The following PTPRK variants were observed in gnomAD, a reference collection of about 807,000 sequenced individuals.
The protein encoded by PTPRK is protein tyrosine phosphatase receptor type K, also known as receptor-type tyrosine-protein phosphatase kappa.
PTPRK carries 75 observed loss-of-function variants against 178.0 expected under a neutral mutation model. That is an observed-to-expected ratio of 0.42 (90% CI 0.35 to 0.51). PTPRK has a LOEUF of 0.51. Among genes scored for constraint, PTPRK ranks in the 20% least tolerant of loss-of-function variants. PTPRK has a pLI of 0.02. For synonymous variants in PTPRK, 637 were observed against 620.6 expected, an observed-to-expected ratio of 1.03 and a Z score of -0.39; for missense variants, 1,441 against 1,797.8, an observed-to-expected ratio of 0.80 and a Z score of 3.59.
intron 2 of PTPRK, among the ~76,000 whole-genome samples, chr6:128,335,490 A>C (rs903290423): frequency 2.0e-5 from 3 of 151,940 alleles, no homozygotes; most frequent in Admixed American, 1.3e-4. Context: ...AATGAAGAAA[A>C]GAGCTCAAGT....
intron 2 of PTPRK, among the ~76,000 whole-genome samples, chr6:128,397,013 C>A (rs1840400846): frequency 6.6e-6 from 1 of 151,974 alleles, no homozygotes; most frequent in Non-Finnish European, 1.5e-5. Context: ...ACAACAACAA[C>A]AACAAAAGAA....
In PTPRK at chr6:127,973,662, A is replaced by C; in HGVS notation, c.4133+2T>G. 6.2e-7 allele frequency: 1 copy of C among 1,613,418 alleles called. No individual in the cohort carries two copies. Among genetic ancestry groups the C allele is most frequent in the Non-Finnish European group, 8.5e-7 (1 of 1,179,866 alleles). On this transcript the variant is annotated splice_donor_variant, in intron 28 of 29. Coordinates refer to ENST00000368226, the MANE Select transcript of PTPRK (RefSeq NM_002844.4). LOFTEE classifies it high-confidence loss of function. ...AATGACAGGCTGAGCTGCCCTACTC[A>C]CAGGCAGTGGATAATCGTCCGGCCT...
chr6:128,032,671 T>C (rs1204116414), intron 13 of PTPRK, among the ~76,000 whole-genome samples: 2 of 152,108 alleles, frequency 1.3e-5, no homozygotes, highest in African/African-American at 4.8e-5. Flanking sequence ...AAAGATGCAA[T>C]AATTCCAGCT....
At chr6:128,273,930 A>G (rs1423265141) in intron 3 of PTPRK, among the ~76,000 whole-genome samples, 1 of 152,114 alleles carries the variant, frequency 6.6e-6, no homozygotes, top group Non-Finnish European at 1.5e-5. Context: ...CCCCCTTTTC[A>G]CCAAATACAT....
chr6:128,508,834 CT>C (rs1292636499), intron 1 of PTPRK, among the ~76,000 whole-genome samples: 17 of 151,878 alleles, frequency 1.1e-4, no homozygotes, highest in Non-Finnish European at 2.2e-4. Flanking sequence ...GTAATCCCAG[CT>C]ACTTGGGATG....
At chr6:128,443,339 A>C (rs1293839005) in intron 1 of PTPRK, among the ~76,000 whole-genome samples, 1 of 152,054 alleles carries the variant, frequency 6.6e-6, no homozygotes, top group Non-Finnish European at 1.5e-5. Flanking sequence ...AGGGGTGAGG[A>C]AGTGAATTGA....
At chr6:127,977,765 C>T (rs1415161233) in intron 25 of PTPRK, among the ~76,000 whole-genome samples, 1 of 152,156 alleles carries the variant, frequency 6.6e-6, no homozygotes, top group Non-Finnish European at 1.5e-5. Context: ...GGGGAGATAG[C>T]TCCTTGTTAA....
chr6:128,236,756 T>C (rs772811815), intron 5 of PTPRK, among the ~76,000 whole-genome samples: 2 of 152,210 alleles, frequency 1.3e-5, no homozygotes, highest in Non-Finnish European at 2.9e-5. Flanking sequence ...CTCAGGCTTA[T>C]AAAAACATTC....
intron 1 of PTPRK, among the ~76,000 whole-genome samples, chr6:128,424,501 G>T (rs1554260175): frequency 6.6e-6 from 1 of 152,158 alleles, no homozygotes; most frequent in Non-Finnish European, 1.5e-5. Flanking sequence ...AGTTCAGAAG[G>T]ATTCCTTCTC....
At position 128,284,970 on chromosome 6, in the gene PTPRK, A is replaced by AG. The variant is rs202050890; in HGVS notation, c.495+37068dup. ...TACCTTAAGTCTCAAGTTATGGGCT[A>AG]GCATTGTGTTACACAAAAAGAATAT... On this transcript the variant is annotated intron_variant, in intron 3 of 29. Transcript: ENST00000368226. Among the ~76,000 whole-genome samples the AG allele has an allele frequency of 5.9e-3, 900 of 152,354 alleles. 11 individuals carry two copies. The highest frequency in any genetic ancestry group is 0.021 in the African/African-American group (860 of 41,574).
At chr6:128,365,200 T>C (rs998602692) in intron 2 of PTPRK, among the ~76,000 whole-genome samples, 1 of 152,082 alleles carries the variant, frequency 6.6e-6, no homozygotes, top group Non-Finnish European at 1.5e-5. Context: ...TAAACACTTG[T>C]AAACTTGTAA....
intron 6 of PTPRK, among the ~76,000 whole-genome samples, chr6:128,185,160 G>A (rs983227398): frequency 6.6e-5 from 10 of 152,110 alleles, no homozygotes; most frequent in Non-Finnish European, 1.3e-4. Flanking sequence ...AGTAAAGGAA[G>A]AAAGAATAAC....
intron 7 of PTPRK, among the ~76,000 whole-genome samples, chr6:128,106,407 T>G (rs116364899): frequency 0.013 from 2,054 of 152,238 alleles, 48 homozygotes; most frequent in African/African-American, 0.046. Flanking sequence ...GAGTTTTGAT[T>G]TTCAAAATGT....
chr6:128,295,731 T>C (rs1824230861), intron 3 of PTPRK, among the ~76,000 whole-genome samples: 1 of 152,104 alleles, frequency 6.6e-6, no homozygotes, highest in Non-Finnish European at 1.5e-5. Context: ...CACATCTACA[T>C]ATTAAGGTGA....
chr6:128,500,677 T>G (rs1855426262), intron 1 of PTPRK: 1 of 152,204 alleles, frequency 6.6e-6, no homozygotes, highest in Non-Finnish European at 1.5e-5. Context: ...TGCTACACCT[T>G]TATTAATTCT....
chr6:128,078,351 T>C (rs1425380036), intron 11 of PTPRK, among the ~76,000 whole-genome samples: 1 of 151,970 alleles, frequency 6.6e-6, no homozygotes, highest in Non-Finnish European at 1.5e-5. Context: ...CTGACAGAAA[T>C]TCTCCAATGA....
chr6:128,248,594 C>T (rs1327950340), intron 3 of PTPRK, among the ~76,000 whole-genome samples: 1 of 152,116 alleles, frequency 6.6e-6, no homozygotes, highest in Admixed American at 6.5e-5. Flanking sequence ...TGGCCAAATA[C>T]TACATAAAAT....
intron 3 of PTPRK, among the ~76,000 whole-genome samples, chr6:128,250,989 C>T (rs1816371211): frequency 6.6e-6 from 1 of 152,166 alleles, no homozygotes; most frequent in African/African-American, 2.4e-5. Context: ...TTCTCTTCGT[C>T]AGACCCCTGC....
intron 7 of PTPRK, among the ~76,000 whole-genome samples, chr6:128,137,027 C>A (rs1010926215): frequency 6.6e-6 from 1 of 152,190 alleles, no homozygotes; most frequent in Non-Finnish European, 1.5e-5. Flanking sequence ...ACCCTAGCCT[C>A]TTCCTATCTG....
Sources: allele counts gnomAD v4.1 joint callset (sites outside exome capture counted in the v4.1 genomes callset), GRCh38; gene constraint gnomAD v4.1.1; transcripts MANE v1.5; gene names NCBI Gene and HGNC (gene_info 2026-07-23, HGNC 2026-07-21).